USP14: variants seen among roughly 807,000 people sequenced by gnomAD.
USP14 encodes ubiquitin specific peptidase 14.
A neutral mutation model predicts 76.5 loss-of-function variants in USP14; 38 were observed. That is an observed-to-expected ratio of 0.50 (90% CI 0.38 to 0.65). The LOEUF (loss-of-function observed/expected upper bound fraction) is 0.65. USP14 is among the 30% of genes least tolerant of loss of function. USP14 has a pLI of 0.00. For missense variants in USP14, 467 were observed against 586.5 expected, an observed-to-expected ratio of 0.80 and a Z score of 2.10; for synonymous variants, 192 against 191.7, an observed-to-expected ratio of 1.00 and a Z score of -0.01.
chr18:204,239 A>G (rs895433961), intron 12 of USP14, among the ~76,000 whole-genome samples: 1 of 151,116 alleles, frequency 6.6e-6, no homozygotes, highest in Non-Finnish European at 1.5e-5. Context: ...GAGGTCCATT[A>G]TTTTCACAGC....
chr18:171,780 C>T (rs1221322920), intron 3 of USP14, among the ~76,000 whole-genome samples: 1 of 152,152 alleles, frequency 6.6e-6, no homozygotes, highest in East Asian at 1.9e-4. Flanking sequence ...AAGGATTCAC[C>T]TGAATTCTTG....
intron 13 of USP14, among the ~76,000 whole-genome samples, chr18:205,986 A>G (rs1268571135): frequency 2.6e-5 from 4 of 152,160 alleles, no homozygotes; most frequent in Non-Finnish European, 5.9e-5. Context: ...GGTTGTTTCT[A>G]GTGTTTGTCT....
At chr18:209,387 A>T (rs1212523653) in intron 13 of USP14, among the ~76,000 whole-genome samples, 1 of 152,128 alleles carries the variant, frequency 6.6e-6, no homozygotes, top group East Asian at 1.9e-4. Context: ...GTATTCCTAG[A>T]TAAGTTATTT....
chr18:159,310 C>T (rs1721017581), intron 1 of USP14, among the ~76,000 whole-genome samples: 2 of 152,162 alleles, frequency 1.3e-5, no homozygotes, highest in Non-Finnish European at 2.9e-5. Flanking sequence ...GTATCCGAAA[C>T]GTGGTGTGAG....
intron 5 of USP14, among the ~76,000 whole-genome samples, chr18:189,830 A>C (rs754632841): frequency 2.6e-5 from 4 of 152,206 alleles, no homozygotes; most frequent in Non-Finnish European, 5.9e-5. Flanking sequence ...ACAAATTATA[A>C]GTGTACAACT....
Position 174,862 on chromosome 18 carries a change from G to A in USP14, c.196-4071G>A, listed in dbSNP as rs1317757548. On this transcript the variant is annotated intron_variant, in intron 3 of 15. Coordinates refer to ENST00000261601, the MANE Select transcript of USP14 (RefSeq NM_005151.4). Reference sequence around the variant, plus strand: ...GTGATCATGGCTCACTGTAGTTTCTGCCTCCCAGGTTCAAGCAGTTCTCGT... The same window carrying A: ...GTGATCATGGCTCACTGTAGTTTCTACCTCCCAGGTTCAAGCAGTTCTCGT... Among the ~76,000 whole-genome samples, 5 of 152,180 alleles carry A rather than the reference G, an allele frequency of 3.3e-5. No individual in the cohort carries two copies. In the East Asian group the frequency reaches 5.8e-4, roughly 18 times the overall value.
chr18:185,467 C>T (rs922726784), intron 5 of USP14, among the ~76,000 whole-genome samples: 3 of 151,808 alleles, frequency 2.0e-5, no homozygotes, highest in African/African-American at 7.3e-5. Flanking sequence ...AAATATTTGT[C>T]TGTTAACACT....
intron 4 of USP14, 140 bp from the exon 5 acceptor site, chr18:180,096 G>C (rs1177244113): frequency 9.5e-5 from 46 of 484,776 alleles, no homozygotes; most frequent in Non-Finnish European, 1.6e-4. Context: ...TTTCTTTAGC[G>C]TGAAGGCAGA....
intron 14 of USP14, 105 bp downstream of exon 14, chr18:210,136 A>G (rs1163204965): frequency 1.0e-6 from 1 of 981,478 alleles, no homozygotes; most frequent in South Asian, 1.7e-5. Flanking sequence ...TTTTCAAACA[A>G]AATGTCAGGT....
rs1446622341 is a variant in USP14, at chr18:212,113, G to A, written c.*829G>A. ...CTTGGCTGAAGACATGTTTAATACT[G>A]TACAATTTCTGAAGATGGTTATTAA... On this transcript the variant is annotated 3_prime_UTR_variant, in exon 16 of 16. Coordinates refer to ENST00000261601, the MANE Select transcript of USP14 (RefSeq NM_005151.4). 6.6e-6 allele frequency: 1 copy of A among 152,148 alleles called. No homozygotes were observed. The highest frequency in any genetic ancestry group is 1.5e-5 in the Non-Finnish European group (1 of 68,026). The allele number at this position is 152,148 out of a possible 1,614,324, so 9.4% of individuals were successfully genotyped here. A position where few individuals can be genotyped will look rare whatever the true frequency, so the allele number is the denominator to read the frequency against.
At chr18:210,542 T>C (rs775645982) in intron 15 of USP14, 49 bp downstream of exon 15, 25 of 1,367,174 alleles carry the variant, frequency 1.8e-5, no homozygotes, top group Non-Finnish European at 2.3e-5. Flanking sequence ...TAACAGTTCA[T>C]TTATTATAAA....
Position 214,579 on chromosome 18 carries a change from G to A in USP14, c.*3295G>A. 2.0e-6 allele frequency: 3 copies of A among 1,488,130 alleles called. No individual in the cohort carries two copies. The highest frequency in any genetic ancestry group is 1.8e-6 in the Non-Finnish European group (2 of 1,092,196). The allele number at this position is 1,488,130 out of a possible 1,614,324, so 92.2% of individuals were successfully genotyped here. A position where few individuals can be genotyped will look rare whatever the true frequency, so the allele number is the denominator to read the frequency against. On this transcript the variant is annotated 3_prime_UTR_variant, in exon 16 of 16. Transcript: ENST00000261601. Reference sequence around the variant, plus strand: ...GTGGACCTCTTATCAAATGCTGCTTGGTAACAAAATCTATCACAGTTTTAA... The same window carrying A: ...GTGGACCTCTTATCAAATGCTGCTTAGTAACAAAATCTATCACAGTTTTAA...
intron 2 of USP14, among the ~76,000 whole-genome samples, chr18:165,865 C>T (rs1228355542): frequency 6.6e-6 from 1 of 152,046 alleles, no homozygotes; most frequent in Non-Finnish European, 1.5e-5. Flanking sequence ...TAATTAGTGG[C>T]ACCAATGAAG....
chr18:214,291 A>AAAC lies in USP14; in HGVS notation c.*3008_*3010dup. 1 of 197,664 alleles carries AAAC rather than the reference A, an allele frequency of 5.1e-6. No individual in the cohort carries two copies. Among genetic ancestry groups the AAAC allele is most frequent in the Non-Finnish European group, 1.0e-5 (1 of 96,892 alleles). The allele number at this position is 197,664 out of a possible 1,614,324, so 12.2% of individuals were successfully genotyped here. On this transcript the variant is annotated 3_prime_UTR_variant, in exon 16 of 16. Coordinates refer to ENST00000261601, the MANE Select transcript of USP14 (RefSeq NM_005151.4). ...CTGGGATTTCAGGATAAATTTTGTA[A>AAAC]AACTACTAACAAACAACACACAGGA...
chr18:184,491 C>T (rs143570401), intron 5 of USP14, among the ~76,000 whole-genome samples: 72 of 152,278 alleles, frequency 4.7e-4, no homozygotes, highest in African/African-American at 1.5e-3. Flanking sequence ...TGATGGCTCA[C>T]GCCTGTAATC....
intron 3 of USP14, among the ~76,000 whole-genome samples, chr18:168,901 C>T (rs1230319580): frequency 6.8e-6 from 1 of 146,776 alleles, no homozygotes; most frequent in Non-Finnish European, 1.5e-5. Context: ...GAAACTCCGT[C>T]TCTACTAAAA....
Position 192,906 on chromosome 18 carries a change from T to C in USP14, c.463+6T>C. ...AGCGCAGTATATTACTGCAGGTTTG[T>C]ATACTAAATATACTACTTTTTGATA... On this transcript the variant is annotated splice_donor_region_variant and intron_variant, in intron 6 of 15. Coordinates refer to ENST00000261601, the MANE Select transcript of USP14 (RefSeq NM_005151.4). 1 of 1,608,926 alleles carries C rather than the reference T, an allele frequency of 6.2e-7. No homozygotes were observed. The highest frequency in any genetic ancestry group is 8.5e-7 in the Non-Finnish European group (1 of 1,177,266).
At chr18:183,097 A>G (rs192854706) in intron 5 of USP14, among the ~76,000 whole-genome samples, 21 of 152,258 alleles carry the variant, frequency 1.4e-4, no homozygotes, top group African/African-American at 5.1e-4. Context: ...GGTGAATCTT[A>G]CTGTGTCTTT....
At chr18:173,122 T>TC (rs1487512435) in intron 3 of USP14, among the ~76,000 whole-genome samples, 1 of 151,648 alleles carries the variant, frequency 6.6e-6, no homozygotes, top group South Asian at 2.1e-4. Flanking sequence ...TTTTTTTTTT[T>TC]CTTTGAGACG....
Sources: gnomAD v4.1 joint callset for allele counts (sites outside exome capture counted in the v4.1 genomes callset) on GRCh38, gnomAD v4.1.1 for gene constraint, MANE v1.5 for transcripts, NCBI Gene and HGNC (gene_info 2026-07-23, HGNC 2026-07-21) for gene names.